Variants in ATXN2 observed in about 807,000 individuals in gnomAD.
The protein encoded by ATXN2 is ataxin-2.
Under a neutral mutation model 138.6 loss-of-function variants are expected in ATXN2, and 37 were observed. That is an observed-to-expected ratio of 0.27 (90% confidence interval 0.21 to 0.35). ATXN2 has a LOEUF of 0.35. Ranked by LOEUF, ATXN2 falls within the 10% of genes least tolerant of loss-of-function variation. The probability of loss-of-function intolerance (pLI) is 1.00; values close to 1 mark genes in which losing one functional copy is unlikely to be tolerated. For synonymous variants in ATXN2, 549 were observed against 543.7 expected (o/e 1.01, Z -0.13); for missense variants, 1,216 against 1,480.3 (o/e 0.82, Z 2.93).
intron 5 of ATXN2, among the ~76,000 whole-genome samples, chr12:111,540,682 G>T (rs776610468): frequency 6.8e-6 from 1 of 146,842 alleles, no homozygotes; most frequent in Admixed American, 6.8e-5. Flanking sequence ...TGGTACTTTT[G>T]GACACGTCTA....
At chr12:111,575,616 C>A (rs974448668) in intron 1 of ATXN2, among the ~76,000 whole-genome samples, 1 of 152,120 alleles carries the variant, frequency 6.6e-6, no homozygotes, top group African/African-American at 2.4e-5. Context: ...GTCTATACTA[C>A]CACATAAGCT....
In ATXN2 at chr12:111,467,307, C is replaced by CTTTTTTTT. The variant is rs61507608; in HGVS notation, c.2843-2600_2843-2593dup. 6.6e-4 allele frequency among the ~76,000 whole-genome samples: 23 copies of CTTTTTTTT among 34,830 alleles called. 5 individuals carry two copies. Among genetic ancestry groups the CTTTTTTTT allele is most frequent in the African/African-American group, 3.2e-3 (21 of 6,566 alleles). The allele number at this position is 34,830 out of a possible 152,430, so 22.8% of individuals were successfully genotyped here. A position where few individuals can be genotyped will look rare whatever the true frequency, so the allele number is the denominator to read the frequency against. On this transcript the variant is annotated intron_variant, in intron 20 of 24. Coordinates refer to ENST00000673436, the MANE Select transcript of ATXN2 (RefSeq NM_001372574.1). Reference sequence around the variant, plus strand: ...ACAGGCATGTGCCACCATGACTGGGCTTTTTTTTTTTTTTTTTTTTTTTTT... The same window carrying CTTTTTTTT: ...ACAGGCATGTGCCACCATGACTGGGCTTTTTTTTTTTTTTTTTTTTTTTTTTTTTTTTT...
intron 1 of ATXN2, among the ~76,000 whole-genome samples, chr12:111,591,719 TAG>T (rs1045934564): frequency 6.6e-6 from 1 of 152,306 alleles, no homozygotes; most frequent in Admixed American, 6.5e-5. Context: ...TCTCAAAGCT[TAG>T]AGTTTTTGCC....
At position 111,552,866 on chromosome 12, in the gene ATXN2, TCTTTTA is replaced by T; in HGVS notation, c.420+34_420+39del. Reference sequence around the variant, plus strand: ...GGTAAAACACTGACTATGAAAATGTTCTTTTACTTTGTAAGAAAAAGAAAAAAAGTA... The same window carrying T: ...GGTAAAACACTGACTATGAAAATGTTCTTTGTAAGAAAAAGAAAAAAAGTA... On this transcript the variant is annotated intron_variant, in intron 4 of 24. Transcript: ENST00000673436. The surrounding 1 kb of genome is among the most constrained non-coding windows in gnomAD (Gnocchi z 4.1). 7.4e-7 allele frequency: 1 copy of T among 1,358,680 alleles called. No individual in the cohort carries two copies. The highest frequency in any genetic ancestry group is 1.0e-6 in the Non-Finnish European group (1 of 991,804). 84.2% of individuals were successfully genotyped at this position (1,358,680 alleles called of 1,614,324 possible). A position where few individuals can be genotyped will look rare whatever the true frequency, so the allele number is the denominator to read the frequency against.
At chr12:111,566,294 T>C (rs1444170485) in intron 1 of ATXN2, among the ~76,000 whole-genome samples, 1 of 151,730 alleles carries the variant, frequency 6.6e-6, no homozygotes, top group Non-Finnish European at 1.5e-5. Flanking sequence ...TAGGTGGGCA[T>C]GGTGGTGCAT....
At chr12:111,534,455 T>C (rs1423278773) in intron 5 of ATXN2, among the ~76,000 whole-genome samples, 1 of 152,086 alleles carries the variant, frequency 6.6e-6, no homozygotes, top group African/African-American at 2.4e-5. Context: ...AATATATATA[T>C]GTTGAACACC....
intron 15 of ATXN2, 73 bp from the exon 16 acceptor site, chr12:111,486,897 T>A: frequency 7.7e-7 from 1 of 1,290,930 alleles, no homozygotes; most frequent in Admixed American, 2.2e-5. Flanking sequence ...TACCTGACAA[T>A]TTAAAAAAAA....
chr12:111,518,579 C>A, intron 8 of ATXN2, 152 bp from the exon 9 acceptor site: 1 of 757,304 alleles, frequency 1.3e-6, no homozygotes. Flanking sequence ...CCCTGTTCTT[C>A]CATCTTACCC....
chr12:111,538,443 T>C (rs544032979), intron 5 of ATXN2, among the ~76,000 whole-genome samples: 1 of 152,146 alleles, frequency 6.6e-6, no homozygotes, highest in African/African-American at 2.4e-5. Context: ...TCAATCTCCC[T>C]GCGCTCAGAT....
At chr12:111,464,582 C>A in intron 21 of ATXN2, 80 bp downstream of exon 21, 1 of 1,061,828 alleles carries the variant, frequency 9.4e-7, no homozygotes, top group South Asian at 1.7e-5. Flanking sequence ...TATTGTTCAA[C>A]AAGTCTACTC....
At chr12:111,553,969 C>G (rs1285544057) in intron 3 of ATXN2, among the ~76,000 whole-genome samples, 189 bp downstream of exon 3, 1 of 151,966 alleles carries the variant, frequency 6.6e-6, no homozygotes, top group African/African-American at 2.4e-5. Flanking sequence ...ATGCAGAGGA[C>G]CAACTGTACT....
intron 15 of ATXN2, among the ~76,000 whole-genome samples, chr12:111,487,172 G>A (rs759973374): frequency 6.6e-6 from 1 of 151,858 alleles, no homozygotes; most frequent in Non-Finnish European, 1.5e-5. Context: ...TCTGCCTCCC[G>A]AGTTTAAGCC....
chr12:111,474,092 G>A (rs566667289), intron 18 of ATXN2, among the ~76,000 whole-genome samples: 9 of 152,170 alleles, frequency 5.9e-5, no homozygotes, highest in Non-Finnish European at 8.8e-5. Flanking sequence ...ATGGTGGCGC[G>A]CACCTTTAGT....
At chr12:111,584,791 C>A (rs1409059649) in intron 1 of ATXN2, among the ~76,000 whole-genome samples, 1 of 151,778 alleles carries the variant, frequency 6.6e-6, no homozygotes, top group South Asian at 2.1e-4. Context: ...CATGGAGAAA[C>A]CCCATCTCTA....
intron 23 of ATXN2, chr12:111,455,123 T>C (rs1322255760): frequency 1.4e-6 from 1 of 702,972 alleles, no homozygotes; most frequent in Non-Finnish European, 2.6e-6. Flanking sequence ...TGGCGCACTA[T>C]TTAACAGGAA....
At chr12:111,589,157 A>C (rs1021743692) in intron 1 of ATXN2, among the ~76,000 whole-genome samples, 11 of 149,630 alleles carry the variant, frequency 7.4e-5, no homozygotes, top group Non-Finnish European at 1.6e-4. Context: ...TCTACTAAAA[A>C]TACAAAAATT....
chr12:111,598,644 C>T lies in ATXN2; in HGVS notation c.251+140G>A. ...ACCGGCCGAGCCTCGGGGCTCAGGC[C>T]CGAGCGAGTCTCCCCCGCGCTGCCG... On this transcript the variant is annotated intron_variant, in intron 1 of 24. Transcript: ENST00000673436. The surrounding 1 kb of genome is among the most constrained non-coding windows in gnomAD (Gnocchi z 4.5). 3 of 912,766 alleles carry T rather than the reference C, an allele frequency of 3.3e-6. No homozygotes were observed. Among genetic ancestry groups the T allele is most frequent in the South Asian group, 1.0e-4 (2 of 19,824 alleles). The allele number at this position is 912,766 out of a possible 1,614,324, so 56.5% of individuals were successfully genotyped here. A position where few individuals can be genotyped will look rare whatever the true frequency, so the allele number is the denominator to read the frequency against.
At chr12:111,595,601 CA>C (rs1184569889) in intron 1 of ATXN2, among the ~76,000 whole-genome samples, 2 of 148,138 alleles carry the variant, frequency 1.4e-5, no homozygotes, top group Admixed American at 6.8e-5. Flanking sequence ...GAGATCGTAC[CA>C]CTGCACTTCA....
At chr12:111,582,867 C>T (rs1884086409) in intron 1 of ATXN2, among the ~76,000 whole-genome samples, 1 of 151,908 alleles carries the variant, frequency 6.6e-6, no homozygotes, top group South Asian at 2.1e-4. Flanking sequence ...ACAGGGTTTC[C>T]CCATGTTAGG....
Sources: allele counts gnomAD v4.1 joint callset (sites outside exome capture counted in the v4.1 genomes callset), GRCh38; gene constraint gnomAD v4.1.1; non-coding constraint Gnocchi (gnomAD v3.1); transcripts MANE v1.5; gene names NCBI Gene and HGNC (gene_info 2026-07-23, HGNC 2026-07-21).